Variants in MCM9 observed in about 807,000 individuals in gnomAD.
The protein encoded by MCM9 is DNA helicase MCM9.
Under a neutral mutation model 72.8 loss-of-function variants are expected in MCM9, and 55 were observed. The ratio of observed to expected loss-of-function variants is 0.76; its 90% CI spans 0.61 to 0.95. MCM9 has a LOEUF of 0.95. MCM9 is among the 40% of genes least tolerant of loss of function. MCM9 has a pLI of 0.00. For missense variants in MCM9, 1,279 were observed against 1,377.0 expected, an observed-to-expected ratio of 0.93 and a Z score of 1.13; for synonymous variants, 480 against 503.4, an observed-to-expected ratio of 0.95 and a Z score of 0.62.
chr6:118,904,876 T>C (rs1780064406), intron 8 of MCM9, among the ~76,000 whole-genome samples: 1 of 152,260 alleles, frequency 6.6e-6, no homozygotes, highest in Admixed American at 6.5e-5. Flanking sequence ...TCTCACTCTG[T>C]CGCCAGGCTG....
intron 8 of MCM9, among the ~76,000 whole-genome samples, chr6:118,881,919 G>A (rs1166403081): frequency 6.6e-6 from 1 of 152,158 alleles, no homozygotes; most frequent in African/African-American, 2.4e-5. Flanking sequence ...CACTACAGGT[G>A]AATGTGGTCA....
intron 9 of MCM9, among the ~76,000 whole-genome samples, chr6:118,832,803 T>G (rs1054608773): frequency 6.6e-6 from 1 of 152,220 alleles, no homozygotes; most frequent in Non-Finnish European, 1.5e-5. Context: ...ATCCTCATCT[T>G]TACTTATGGC....
At chr6:118,840,232 C>T (rs1174338420) in intron 9 of MCM9, among the ~76,000 whole-genome samples, 3 of 150,834 alleles carry the variant, frequency 2.0e-5, no homozygotes, top group African/African-American at 4.9e-5. Flanking sequence ...ATGTTTGTGT[C>T]CCCTCCACTT....
chr6:118,897,031 G>A (rs928237623), intron 8 of MCM9, among the ~76,000 whole-genome samples: 2 of 152,004 alleles, frequency 1.3e-5, no homozygotes, highest in African/African-American at 4.8e-5. Context: ...TAGAGACGGA[G>A]TTTTGCCATG....
At chr6:118,907,745 A>G (rs966040767) in intron 8 of MCM9, 30 of 680,406 alleles carry the variant, frequency 4.4e-5, no homozygotes, top group Non-Finnish European at 6.5e-5. Flanking sequence ...GAAAGTTTAT[A>G]AGAAAACCAG....
chr6:118,891,029 T>C (rs1161574517), intron 8 of MCM9, among the ~76,000 whole-genome samples: 1 of 152,244 alleles, frequency 6.6e-6, no homozygotes, highest in Non-Finnish European at 1.5e-5. Flanking sequence ...TTGGCACATT[T>C]TGATTTAATT....
intron 9 of MCM9, among the ~76,000 whole-genome samples, chr6:118,845,191 A>C (rs1052274467): frequency 3.9e-5 from 6 of 152,060 alleles, no homozygotes; most frequent in African/African-American, 1.2e-4. Flanking sequence ...AACACACACA[A>C]AAAAATCAGC....
At chr6:118,880,315 G>C (rs1021477483) in intron 8 of MCM9, among the ~76,000 whole-genome samples, 1 of 152,152 alleles carries the variant, frequency 6.6e-6, no homozygotes, top group Non-Finnish European at 1.5e-5. Context: ...TTGGAAACTC[G>C]AGGTGTTTGA....
intron 3 of MCM9, among the ~76,000 whole-genome samples, chr6:118,930,272 G>A (rs897544616): frequency 5.3e-5 from 8 of 151,930 alleles, no homozygotes; most frequent in South Asian, 2.1e-4. Flanking sequence ...CACCATGCCC[G>A]GCTAATTTTT....
intron 13 of MCM9, among the ~76,000 whole-genome samples, chr6:118,824,035 C>CTTTT (rs137881254): frequency 1.8e-5 from 1 of 54,292 alleles, no homozygotes; most frequent in Admixed American, 2.7e-4. Flanking sequence ...GCAAACCCAC[C>CTTTT]TTTTTTTTTT....
At chr6:118,888,437 A>G (rs1299075092) in intron 8 of MCM9, among the ~76,000 whole-genome samples, 2 of 152,178 alleles carry the variant, frequency 1.3e-5, no homozygotes, top group Non-Finnish European at 2.9e-5. Flanking sequence ...CAGTGAGCCG[A>G]GATCACGCCA....
At chr6:118,836,282 T>C (rs1774952884) in intron 9 of MCM9, among the ~76,000 whole-genome samples, 1 of 152,222 alleles carries the variant, frequency 6.6e-6, no homozygotes, top group Non-Finnish European at 1.5e-5. Context: ...TCATCGATGT[T>C]CATCAGAGAT....
At chr6:118,923,613 G>A (rs763463171) in intron 4 of MCM9, among the ~76,000 whole-genome samples, 198 bp downstream of exon 4, 1 of 152,094 alleles carries the variant, frequency 6.6e-6, no homozygotes, top group Non-Finnish European at 1.5e-5. Flanking sequence ...TCTTGTCAAT[G>A]TTCCACCTAA....
chr6:118,819,762 G>C (rs901085222), intron 13 of MCM9, among the ~76,000 whole-genome samples: 2 of 152,016 alleles, frequency 1.3e-5, no homozygotes, highest in African/African-American at 4.8e-5. Flanking sequence ...GACTTTTTTT[G>C]GTTGGTAGGC....
chr6:118,825,795 G>A (rs754535691), intron 13 of MCM9, among the ~76,000 whole-genome samples: 1 of 152,118 alleles, frequency 6.6e-6, no homozygotes, highest in African/African-American at 2.4e-5. Flanking sequence ...CATTAGAAAG[G>A]TAAGTTTTGA....
chr6:118,910,609 C>A (rs571057372), intron 8 of MCM9: 11 of 984,776 alleles, frequency 1.1e-5, no homozygotes, highest in Non-Finnish European at 1.3e-5. Flanking sequence ...ACTTGGGAAG[C>A]ATCTTTATTT....
rs558420880 is a variant in MCM9 at position 118,910,377 on chromosome 6, A to G, written c.1150+1273T>C. Reference sequence around the variant, plus strand: ...TAACTATTCTATAACCGTAAAATTTATATTCCCTATACTTGTTCTCTCATA... The same window carrying G: ...TAACTATTCTATAACCGTAAAATTTGTATTCCCTATACTTGTTCTCTCATA... On this transcript the variant is annotated intron_variant, in intron 8 of 13. Coordinates refer to ENST00000619706, the MANE Select transcript of MCM9 (RefSeq NM_017696.3). Among the ~76,000 whole-genome samples, 5 of 152,304 alleles carry G rather than the reference A, an allele frequency of 3.3e-5. No homozygotes were observed. The South Asian group carries it at 1.0e-3, about 32-fold the overall frequency.
At chr6:118,894,851 T>C (rs1047527027) in intron 8 of MCM9, among the ~76,000 whole-genome samples, 1 of 152,002 alleles carries the variant, frequency 6.6e-6, no homozygotes, top group African/African-American at 2.4e-5. Context: ...CCGGGCTGGC[T>C]CCGCGCCGCC....
intron 9 of MCM9, among the ~76,000 whole-genome samples, chr6:118,850,101 G>C (rs970894781): frequency 2.6e-5 from 4 of 151,892 alleles, no homozygotes; most frequent in African/African-American, 7.3e-5. Context: ...AATGAAAACA[G>C]AAGTTTCAAA....
Sources: gnomAD v4.1 joint callset for allele counts (sites outside exome capture counted in the v4.1 genomes callset) on GRCh38, gnomAD v4.1.1 for gene constraint, MANE v1.5 for transcripts, NCBI Gene and HGNC (gene_info 2026-07-23, HGNC 2026-07-21) for gene names.